The following PKIG variants were observed in gnomAD, a reference collection of about 807,000 sequenced individuals.
PKIG encodes the protein cAMP-dependent protein kinase inhibitor gamma.
Under a neutral mutation model 6.8 loss-of-function variants are expected in PKIG, and 1 was observed. That is an observed-to-expected ratio of 0.15 (90% CI 0.05 to 0.69). The LOEUF (loss-of-function observed/expected upper bound fraction) is 0.69, where lower values mean the gene tolerates loss of function less well. PKIG is among the 30% of genes least tolerant of loss of function. PKIG has a pLI of 0.82. For missense variants in PKIG, 77 were observed against 104.0 expected (o/e 0.74, Z 1.13); for synonymous variants, 39 against 43.0 (o/e 0.91, Z 0.36).
intron 1 of PKIG, among the ~76,000 whole-genome samples, chr20:44,532,221 T>C (rs977761306): frequency 6.6e-6 from 1 of 152,162 alleles, no homozygotes; most frequent in African/African-American, 2.4e-5. Flanking sequence ...CATTCGAAAG[T>C]TTCTTAAAAA....
At chr20:44,544,252 G>A (rs2064590105) in intron 1 of PKIG, among the ~76,000 whole-genome samples, 1 of 152,056 alleles carries the variant, frequency 6.6e-6, no homozygotes, top group African/African-American at 2.4e-5. Context: ...ATTTACAAGA[G>A]GGATGAAATT....
chr20:44,579,427 G>A (rs970648214), upstream of PKIG, among the ~76,000 whole-genome samples: 30 of 152,250 alleles, frequency 2.0e-4, 1 homozygote, highest in African/African-American at 7.0e-4. Context: ...AGGGGGTTGT[G>A]GATTCAGGAC....
At chr20:44,550,823 A>T (rs986445852) in intron 1 of PKIG, among the ~76,000 whole-genome samples, 2 of 152,004 alleles carry the variant, frequency 1.3e-5, no homozygotes, top group African/African-American at 4.8e-5. Flanking sequence ...CTCTATTATG[A>T]CCTCTCACTT....
chr20:44,573,542 T>A (rs540543783), intron 1 of PKIG, among the ~76,000 whole-genome samples: 1 of 152,372 alleles, frequency 6.6e-6, no homozygotes, highest in African/African-American at 2.4e-5. Context: ...TGAGAAAATT[T>A]ATGTAAAGGT....
chr20:44,575,909 C>T (rs558344606), intron 1 of PKIG, among the ~76,000 whole-genome samples: 1 of 152,270 alleles, frequency 6.6e-6, no homozygotes, highest in South Asian at 2.1e-4. Flanking sequence ...GGTTCAGAGC[C>T]TCCCTGGGGT....
At chr20:44,549,269 A>G (rs183126337) in intron 1 of PKIG, among the ~76,000 whole-genome samples, 118 of 152,300 alleles carry the variant, frequency 7.7e-4, no homozygotes, top group Admixed American at 4.6e-3. Context: ...TAACAAAAAA[A>G]CACGTACAAG....
chr20:44,557,715 T>C (rs1191278903), intron 1 of PKIG, among the ~76,000 whole-genome samples: 1 of 150,588 alleles, frequency 6.6e-6, no homozygotes, highest in Non-Finnish European at 1.5e-5. Context: ...TCCCAGCTGC[T>C]CAGGAGGCTG....
intron 2 of PKIG, among the ~76,000 whole-genome samples, chr20:44,609,119 C>T (rs924079281): frequency 3.3e-5 from 5 of 152,132 alleles, no homozygotes; most frequent in South Asian, 2.1e-4. Context: ...AAAAATAAAA[C>T]GATGTGTTTC....
At chr20:44,577,744 A>G (rs753376817), upstream of PKIG, among the ~76,000 whole-genome samples, 1 of 152,162 alleles carries the variant, frequency 6.6e-6, no homozygotes, top group Admixed American at 6.6e-5. Context: ...GAGCGATTGC[A>G]CTGTACAGCA....
intron 1 of PKIG, among the ~76,000 whole-genome samples, chr20:44,567,226 C>A (rs1461310223): frequency 6.6e-6 from 1 of 152,166 alleles, no homozygotes; most frequent in Non-Finnish European, 1.5e-5. Context: ...CATGAGACTT[C>A]CCTAGAGAAA....
intron 1 of PKIG, among the ~76,000 whole-genome samples, chr20:44,571,177 T>G (rs1037543114): frequency 6.6e-6 from 1 of 152,076 alleles, no homozygotes; most frequent in Admixed American, 6.6e-5. Flanking sequence ...GAGGTTGCAG[T>G]GAGCTGAGAT....
At chr20:44,543,789 C>T (rs889380326) in intron 1 of PKIG, among the ~76,000 whole-genome samples, 1 of 152,086 alleles carries the variant, frequency 6.6e-6, no homozygotes, top group African/African-American at 2.4e-5. Context: ...CGGTGGCTTA[C>T]ACCCGTAAAA....
intron 1 of PKIG, among the ~76,000 whole-genome samples, chr20:44,546,006 G>A (rs2064610408): frequency 6.6e-6 from 1 of 152,102 alleles, no homozygotes; most frequent in South Asian, 2.1e-4. Context: ...CCAGCACTTT[G>A]GGAGGCTGAG....
chr20:44,582,870 T>C (rs932571568), intron 1 of PKIG, 139 bp downstream of exon 1: 1 of 152,242 alleles, frequency 6.6e-6, no homozygotes, highest in African/African-American at 2.4e-5. Flanking sequence ...ATATGTGAGC[T>C]TGCTCTGAAA....
chr20:44,544,921 C>CTTTTTTT (rs1568803959), intron 1 of PKIG, among the ~76,000 whole-genome samples: 2 of 84,874 alleles, frequency 2.4e-5, no homozygotes, highest in African/African-American at 1.1e-4. Context: ...TTCCTTCCTT[C>CTTTTTTT]TTTCTTTTTT....
intron 2 of PKIG, among the ~76,000 whole-genome samples, chr20:44,598,410 T>C (rs2065092491): frequency 6.6e-6 from 1 of 152,112 alleles, no homozygotes; most frequent in Non-Finnish European, 1.5e-5. Context: ...GTCAGATAAT[T>C]TGCAGACATG....
upstream of PKIG, among the ~76,000 whole-genome samples, chr20:44,581,475 T>C (rs2064947713): frequency 6.6e-6 from 1 of 152,188 alleles, no homozygotes; most frequent in African/African-American, 2.4e-5. Context: ...CAAATGATGT[T>C]CCTAACCACT....
At chr20:44,605,553 G>A (rs1316717151) in intron 2 of PKIG, among the ~76,000 whole-genome samples, 1 of 151,906 alleles carries the variant, frequency 6.6e-6, no homozygotes, top group African/African-American at 2.4e-5. Flanking sequence ...AAGGTGGCTC[G>A]CTAATTCATA....
At chr20:44,579,084 A>C (rs2064925373), upstream of PKIG, among the ~76,000 whole-genome samples, 1 of 152,236 alleles carries the variant, frequency 6.6e-6, no homozygotes, top group Non-Finnish European at 1.5e-5. Context: ...GGGTTTGTTT[A>C]TGGATTTCCT....
Sources: gnomAD v4.1 joint callset for allele counts (sites outside exome capture counted in the v4.1 genomes callset) on GRCh38, gnomAD v4.1.1 for gene constraint, MANE v1.5 for transcripts, NCBI Gene and HGNC (gene_info 2026-07-23, HGNC 2026-07-21) for gene names.